The following CAMTA1 variants were observed in gnomAD, a reference collection of about 807,000 sequenced individuals.
CAMTA1 encodes the protein calmodulin binding transcription activator 1, also known as calmodulin-binding transcription activator 1.
Under a neutral mutation model 170.9 loss-of-function variants are expected in CAMTA1, and 27 were observed. The ratio of observed to expected loss-of-function variants is 0.16; its 90% confidence interval spans 0.12 to 0.22. The LOEUF (loss-of-function observed/expected upper bound fraction) is 0.22, where lower values mean the gene tolerates loss of function less well. Among genes scored for constraint, CAMTA1 ranks in the 10% least tolerant of loss-of-function variants. CAMTA1 has a pLI of 1.00. For missense variants in CAMTA1, 1,619 were observed against 2,217.2 expected (o/e 0.73, Z 5.42); for synonymous variants, 833 against 891.5 (o/e 0.93, Z 1.17).
intron 11 of CAMTA1, among the ~76,000 whole-genome samples, chr1:7,679,582 C>CG (rs1558116400): frequency 6.6e-6 from 1 of 151,736 alleles, no homozygotes; most frequent in Non-Finnish European, 1.5e-5. Flanking sequence ...GCTGCCCCCC[C>CG]CCCCAGAACT....
intron 6 of CAMTA1, among the ~76,000 whole-genome samples, chr1:7,541,010 G>T (rs1414879942): frequency 2.6e-5 from 4 of 152,252 alleles, no homozygotes; most frequent in Non-Finnish European, 4.4e-5. Context: ...ACTGGAGGTT[G>T]CAGGGTCCCT....
At chr1:7,098,373 A>G (rs1371455491) in intron 4 of CAMTA1, among the ~76,000 whole-genome samples, 2 of 152,272 alleles carry the variant, frequency 1.3e-5, no homozygotes, top group Non-Finnish European at 2.9e-5. Flanking sequence ...TTTGTAATGT[A>G]TCACAAATCC....
chr1:7,577,732 T>C (rs996410742), intron 6 of CAMTA1, among the ~76,000 whole-genome samples: 2 of 152,208 alleles, frequency 1.3e-5, no homozygotes, highest in African/African-American at 4.8e-5. Flanking sequence ...TCAGATAGTA[T>C]ATTCTGCTTT....
chr1:7,739,420 G>A (rs560779549), intron 16 of CAMTA1, among the ~76,000 whole-genome samples: 82 of 152,280 alleles, frequency 5.4e-4, no homozygotes, highest in Middle Eastern at 6.8e-3. Context: ...AAGCTTGCAT[G>A]CTCACCAATG....
Position 7,234,788 on chromosome 1 carries a change from CTT to C in CAMTA1, c.303-14687_303-14686del, listed in dbSNP as rs34493681. ...GGGAAATTGGAAAATACAAGTTGAC[CTT>C]TTTTTTTTTTTTTTTAGATAGAGTC... On this transcript the variant is annotated intron_variant, in intron 4 of 22. Coordinates refer to ENST00000303635, the MANE Select transcript of CAMTA1 (RefSeq NM_015215.4). This position sits in a 1 kb window ranked among gnomAD's most constrained non-coding sequence, Gnocchi z 5.0. 5.1e-5 allele frequency among the ~76,000 whole-genome samples: 7 copies of C among 136,372 alleles called. No individual in the cohort carries two copies. The highest frequency in any genetic ancestry group is 3.1e-5 in the Non-Finnish European group (2 of 64,102). The allele number at this position is 136,372 out of a possible 152,430, so 89.5% of individuals were successfully genotyped here.
At chr1:7,207,496 T>G (rs963190154) in intron 4 of CAMTA1, among the ~76,000 whole-genome samples, 9 of 152,336 alleles carry the variant, frequency 5.9e-5, no homozygotes, top group Non-Finnish European at 1.5e-5. Context: ...ATATACCACC[T>G]AAAAATATAC....
chr1:7,662,250 G>A (rs988707365), intron 8 of CAMTA1, among the ~76,000 whole-genome samples: 15 of 152,240 alleles, frequency 9.9e-5, no homozygotes, highest in African/African-American at 1.7e-4. Context: ...CGTGCCCTGC[G>A]TCAGTGACAC....
intron 3 of CAMTA1, among the ~76,000 whole-genome samples, chr1:6,892,353 T>A (rs1005864677): frequency 2.0e-5 from 3 of 152,188 alleles, no homozygotes; most frequent in Admixed American, 2.0e-4. Flanking sequence ...TGCGGCCCCC[T>A]CTGAGAGGCT....
chr1:7,162,668 A>G (rs2148771959), intron 4 of CAMTA1, among the ~76,000 whole-genome samples: 1 of 152,250 alleles, frequency 6.6e-6, no homozygotes. Flanking sequence ...GCTGAGTAAT[A>G]TTTTGTGGTC....
At chr1:7,724,818 CAA>C (rs960235639) in intron 11 of CAMTA1, among the ~76,000 whole-genome samples, 10 of 85,302 alleles carry the variant, frequency 1.2e-4, no homozygotes, top group African/African-American at 9.0e-5. Flanking sequence ...GCGAGACTCT[CAA>C]AAAAAAAAAA....
At chr1:6,833,896 G>A (rs1005769016) in intron 3 of CAMTA1, among the ~76,000 whole-genome samples, 6 of 152,140 alleles carry the variant, frequency 3.9e-5, no homozygotes, top group Non-Finnish European at 7.4e-5. Context: ...CCACAGAGCC[G>A]CAGTTGAGAA....
intron 4 of CAMTA1, among the ~76,000 whole-genome samples, chr1:7,157,293 T>C (rs1304787036): frequency 3.1e-5 from 4 of 130,604 alleles, no homozygotes; most frequent in South Asian, 4.7e-4. Flanking sequence ...TGCAGTGAGC[T>C]GAGATCGCTC....
chr1:7,551,470 C>T lies in CAMTA1; in HGVS notation c.510+83569C>T, dbSNP rs537202705. Among the ~76,000 whole-genome samples, 18 of 152,310 alleles carry T rather than the reference C, an allele frequency of 1.2e-4. No homozygotes were observed. In the South Asian group the frequency reaches 3.5e-3, roughly 30 times the overall value. On this transcript the variant is annotated intron_variant, in intron 6 of 22. Transcript: ENST00000303635. Reference sequence around the variant, plus strand: ...GCTTGTTCCTTCTCTCCATTCGTAACAGAGCATGCCTGAAGTGGCCTTGAG... The same window carrying T: ...GCTTGTTCCTTCTCTCCATTCGTAATAGAGCATGCCTGAAGTGGCCTTGAG...
intron 6 of CAMTA1, among the ~76,000 whole-genome samples, chr1:7,497,276 G>T (rs1286320227): frequency 1.3e-5 from 2 of 152,126 alleles, no homozygotes; most frequent in Non-Finnish European, 2.9e-5. Flanking sequence ...CCCTGAGGAG[G>T]CCTGGAGCTA....
At chr1:7,136,654 G>A (rs541589295) in intron 4 of CAMTA1, among the ~76,000 whole-genome samples, 6 of 152,236 alleles carry the variant, frequency 3.9e-5, no homozygotes, top group African/African-American at 1.2e-4. Flanking sequence ...CTCTTAAGCT[G>A]TCTGGCTTTT....
At chr1:7,232,605 C>T (rs554111510) in intron 4 of CAMTA1, among the ~76,000 whole-genome samples, 6 of 152,256 alleles carry the variant, frequency 3.9e-5, no homozygotes, top group African/African-American at 7.2e-5. Context: ...ACTCTGTTCC[C>T]GGTGCCTACC....
chr1:7,363,151 T>G (rs751471649), intron 5 of CAMTA1, among the ~76,000 whole-genome samples: 4 of 152,246 alleles, frequency 2.6e-5, no homozygotes, highest in Non-Finnish European at 5.9e-5. Flanking sequence ...CTGACCCAAG[T>G]GCTAAATCAA....
At chr1:7,390,744 T>C (rs1288771403) in intron 5 of CAMTA1, among the ~76,000 whole-genome samples, 1 of 152,238 alleles carries the variant, frequency 6.6e-6, no homozygotes, top group Non-Finnish European at 1.5e-5. Context: ...CCCACATGCA[T>C]TCCTACGGGG....
At chr1:7,180,615 G>A (rs1651947544) in intron 4 of CAMTA1, among the ~76,000 whole-genome samples, 1 of 143,022 alleles carries the variant, frequency 7.0e-6, no homozygotes, top group African/African-American at 2.6e-5. Context: ...CCAGGCTCAA[G>A]CCATCCTCCC....
Sources: allele counts gnomAD v4.1 joint callset (sites outside exome capture counted in the v4.1 genomes callset), GRCh38; gene constraint gnomAD v4.1.1; non-coding constraint Gnocchi (gnomAD v3.1); transcripts MANE v1.5; gene names NCBI Gene and HGNC (gene_info 2026-07-23, HGNC 2026-07-21).